ARHGEF3: variants seen among roughly 807,000 people sequenced by gnomAD.
ARHGEF3 encodes the protein 59.8 kDA protein.
A neutral mutation model predicts 63.2 loss-of-function variants in ARHGEF3; 28 were observed. The ratio of observed to expected loss-of-function variants is 0.44; its 90% CI spans 0.33 to 0.61. The LOEUF (loss-of-function observed/expected upper bound fraction) is 0.61, where lower values mean the gene tolerates loss of function less well. ARHGEF3 is among the 20% of genes least tolerant of loss of function. The pLI is 0.03. For missense variants in ARHGEF3, 533 were observed against 659.3 expected (o/e 0.81, Z 2.10); for synonymous variants, 266 against 254.2 (o/e 1.05, Z -0.44).
chr3:56,866,126 T>C lies in ARHGEF3; in HGVS notation c.192+16166A>G, dbSNP rs552210269. Among the ~76,000 whole-genome samples, 4 of 152,236 alleles carry C rather than the reference T, an allele frequency of 2.6e-5. No individual in the cohort carries two copies. The South Asian group carries it at 8.3e-4, about 32-fold the overall frequency. ...GCTGAGGTGAGCTGTGATCATGCCA[T>C]TGTACTCCAGCCTGTGTGGCAGAGT... On this transcript the variant is annotated intron_variant, in intron 4 of 12. Coordinates refer to the ARHGEF3 transcript ENST00000338458.
Position 56,753,060 on chromosome 3 carries a change from A to C in ARHGEF3, c.438+444T>G, listed in dbSNP as rs925730334. On this transcript the variant is annotated intron_variant, in intron 4 of 9. Transcript: ENST00000296315. ...TGTTGATTAGAAAACAAATTCCTAT[A>C]TAAAAGACCCCAACTTATATGATAG... Among the ~76,000 whole-genome samples, 3 of 152,210 alleles carry C rather than the reference A, an allele frequency of 2.0e-5. No individual in the cohort carries two copies. In the South Asian group the frequency reaches 6.2e-4, roughly 31 times the overall value.
At chr3:56,995,956 T>A (rs1701972491) in intron 2 of ARHGEF3, among the ~76,000 whole-genome samples, 1 of 152,120 alleles carries the variant, frequency 6.6e-6, no homozygotes, top group Non-Finnish European at 1.5e-5. Context: ...GAGAAGTAAT[T>A]CATCAGCTGA....
chr3:57,067,931 A>C (rs951331387), intron 1 of ARHGEF3, among the ~76,000 whole-genome samples: 6 of 152,012 alleles, frequency 3.9e-5, no homozygotes, highest in African/African-American at 1.5e-4. Flanking sequence ...CAGAGCTTGC[A>C]GTGAGCCAAG....
rs575079477 is a variant in ARHGEF3 at position 56,832,943 on chromosome 3, A to G, written c.192+49349T>C. Among the ~76,000 whole-genome samples the G allele has an allele frequency of 5.9e-5, 9 of 152,332 alleles. No individual in the cohort carries two copies. The South Asian group carries it at 1.9e-3, about 32-fold the overall frequency. On this transcript the variant is annotated intron_variant, in intron 4 of 12. Coordinates refer to the ARHGEF3 transcript ENST00000338458. ...CGTGTCTAAGGTTCATCCATGTTGTAGCATGCATCAGTATTCATTCCTTTT... is the reference window on the plus strand; with the variant it reads ...CGTGTCTAAGGTTCATCCATGTTGTGGCATGCATCAGTATTCATTCCTTTT...
chr3:56,768,081 T>C (rs572525173), intron 2 of ARHGEF3, among the ~76,000 whole-genome samples: 12 of 151,476 alleles, frequency 7.9e-5, no homozygotes, highest in Admixed American at 3.3e-4. Flanking sequence ...TTTTGAGACA[T>C]AGTCTCAGTC....
chr3:56,975,310 C>T (rs546195508), intron 2 of ARHGEF3, among the ~76,000 whole-genome samples: 74 of 151,960 alleles, frequency 4.9e-4, no homozygotes, highest in African/African-American at 1.6e-3. Flanking sequence ...CCCAGCTACT[C>T]GGGAGGCTGA....
chr3:56,930,256 A>AC (rs1158423949), intron 3 of ARHGEF3, among the ~76,000 whole-genome samples: 5 of 152,112 alleles, frequency 3.3e-5, no homozygotes, highest in Non-Finnish European at 7.3e-5. Flanking sequence ...GCCAACACAA[A>AC]CCCTGCCAGG....
intron 1 of ARHGEF3, among the ~76,000 whole-genome samples, chr3:57,052,862 C>A (rs1704733413): frequency 1.3e-5 from 2 of 152,114 alleles, no homozygotes; most frequent in Admixed American, 1.3e-4. Flanking sequence ...GCACAAACCA[C>A]CCCCAGGGCA....
At chr3:57,024,903 C>T (rs982531166) in intron 2 of ARHGEF3, among the ~76,000 whole-genome samples, 1 of 152,330 alleles carries the variant, frequency 6.6e-6, no homozygotes, top group Non-Finnish European at 1.5e-5. Context: ...CCTTCACCAG[C>T]GTGTCAACTG....
chr3:56,781,838 G>A (rs1203900607), intron 1 of ARHGEF3, among the ~76,000 whole-genome samples: 1 of 152,186 alleles, frequency 6.6e-6, no homozygotes, highest in Non-Finnish European at 1.5e-5. Context: ...TGTGGGGAAT[G>A]TCTCCCAGCT....
intron 1 of ARHGEF3, among the ~76,000 whole-genome samples, chr3:57,071,659 CA>C (rs34281617): frequency 0.29 from 35,883 of 124,748 alleles, 4,814 homozygotes; most frequent in East Asian, 0.51. Context: ...AACTCCATCT[CA>C]AAAAAAAAAA....
chr3:56,764,638 G>T (rs567290004), intron 2 of ARHGEF3, among the ~76,000 whole-genome samples: 1 of 152,128 alleles, frequency 6.6e-6, no homozygotes, highest in South Asian at 2.1e-4. Flanking sequence ...TGGAGAAGAC[G>T]ATATGAGGCC....
intron 4 of ARHGEF3, among the ~76,000 whole-genome samples, chr3:56,870,542 G>A (rs1279671343): frequency 6.6e-6 from 1 of 152,162 alleles, no homozygotes; most frequent in East Asian, 1.9e-4. Context: ...CATAATGGTG[G>A]ATATGTGTGA....
At chr3:56,819,027 C>T (rs548746658) in intron 4 of ARHGEF3, among the ~76,000 whole-genome samples, 1 of 152,162 alleles carries the variant, frequency 6.6e-6, no homozygotes, top group African/African-American at 2.4e-5. Context: ...GAGATACTGA[C>T]AGCAACAATA....
In ARHGEF3 at chr3:57,074,221, C is replaced by T. The variant is rs755882224; in HGVS notation, c.-28+5005G>A. 6.2e-6 allele frequency: 10 copies of T among 1,613,854 alleles called. No individual in the cohort carries two copies. In the African/African-American group the frequency reaches 9.4e-5, roughly 15 times the overall value. ...TTTACTGAGGGCTGCTTTGTCAGGT[C>T]CCTCTCTACAGTATACTCCAACACA... On this transcript the variant is annotated intron_variant, in intron 1 of 12. Coordinates refer to the ARHGEF3 transcript ENST00000338458.
intron 3 of ARHGEF3, among the ~76,000 whole-genome samples, chr3:56,901,441 T>TACTGTATATATATATATACAG (rs2041504688): frequency 6.6e-6 from 1 of 151,908 alleles, no homozygotes; most frequent in Non-Finnish European, 1.5e-5. Context: ...TATATATACA[T>TACTGTATATATATATATACAG]ACTGTATATA....
At chr3:56,853,405 C>T (rs990655056) in intron 4 of ARHGEF3, among the ~76,000 whole-genome samples, 2 of 152,178 alleles carry the variant, frequency 1.3e-5, no homozygotes, top group South Asian at 2.1e-4. Flanking sequence ...GGCACCATCT[C>T]GGCTCACTGC....
At chr3:56,817,002 T>G (rs979703171) in intron 4 of ARHGEF3, among the ~76,000 whole-genome samples, 8 of 152,230 alleles carry the variant, frequency 5.3e-5, no homozygotes, top group Non-Finnish European at 8.8e-5. Flanking sequence ...ATCAGGGGGT[T>G]GGATGCTCAC....
chr3:56,959,805 C>T (rs964238346), intron 2 of ARHGEF3, among the ~76,000 whole-genome samples: 1 of 152,104 alleles, frequency 6.6e-6, no homozygotes, highest in Non-Finnish European at 1.5e-5. Flanking sequence ...TGGTGAAACC[C>T]CATCTCTACT....
Sources: allele counts gnomAD v4.1 joint callset (sites outside exome capture counted in the v4.1 genomes callset), GRCh38; gene constraint gnomAD v4.1.1; transcripts MANE v1.5; gene names NCBI Gene and HGNC (gene_info 2026-07-23, HGNC 2026-07-21).